SHF: variants seen among roughly 807,000 people sequenced by gnomAD.
SHF encodes SH2 domain-containing adapter protein F.
SHF carries 30 observed loss-of-function variants against 42.4 expected under a neutral mutation model. The ratio of observed to expected loss-of-function variants is 0.71; its 90% CI spans 0.53 to 0.96. The LOEUF is 0.96. SHF is among the 40% of genes least tolerant of loss of function. The pLI is 0.00. For missense variants in SHF, 598 were observed against 634.0 expected, an observed-to-expected ratio of 0.94 and a Z score of 0.61; for synonymous variants, 264 against 269.9, an observed-to-expected ratio of 0.98 and a Z score of 0.21.
At chr15:45,198,312 T>TA (rs1003650215) in intron 2 of SHF, among the ~76,000 whole-genome samples, 6 of 151,658 alleles carry the variant, frequency 4.0e-5, no homozygotes, top group African/African-American at 1.5e-4. Context: ...AATGACTCAA[T>TA]AAAAAAATGT....
At chr15:45,198,944 T>C (rs1898973467) in exon 2 of SHF, 5 of 1,613,914 alleles carry the variant, frequency 3.1e-6, no homozygotes, top group Non-Finnish European at 3.4e-6. Flanking sequence ...CATCCAGGAA[T>C]GGGGCTGGGC....
exon 2 of SHF, chr15:45,198,834 T>C (rs1294414213): frequency 6.2e-7 from 1 of 1,613,988 alleles, no homozygotes; most frequent in Admixed American, 1.7e-5. Context: ...CTCCGCCAGT[T>C]GCTTTTCTTC....
chr15:45,169,948 G>A (rs992420901), intron 6 of SHF, among the ~76,000 whole-genome samples: 5 of 152,256 alleles, frequency 3.3e-5, no homozygotes, highest in African/African-American at 9.6e-5. Context: ...AGTGAGAGAA[G>A]AGAAACCATA....
At chr15:45,194,898 G>T in intron 2 of SHF, among the ~76,000 whole-genome samples, 1 of 152,130 alleles carries the variant, frequency 6.6e-6, no homozygotes, top group Non-Finnish European at 1.5e-5. Context: ...GTGTGATCAT[G>T]GCTCACTGTA....
At chr15:45,190,863 T>C (rs945608926), upstream of SHF, among the ~76,000 whole-genome samples, 1 of 152,150 alleles carries the variant, frequency 6.6e-6, no homozygotes, top group Non-Finnish European at 1.5e-5. Flanking sequence ...TAAAAACTTG[T>C]GTGCACCATA....
intron 2 of SHF, among the ~76,000 whole-genome samples, chr15:45,197,619 G>A (rs1898906884): frequency 6.6e-6 from 1 of 152,172 alleles, no homozygotes; most frequent in African/African-American, 2.4e-5. Flanking sequence ...TATGGGTATA[G>A]TAAACAGTCC....
chr15:45,194,101 C>CAAAA (rs56176160), intron 2 of SHF, among the ~76,000 whole-genome samples: 1 of 75,596 alleles, frequency 1.3e-5, no homozygotes, highest in Non-Finnish European at 2.5e-5. Context: ...GAGTTTGTCT[C>CAAAA]AAAAAAAAAA....
rs535102902 is a variant in SHF at position 45,173,503 on chromosome 15, T to A, written c.988+73A>T. 58 of 1,427,968 alleles carry A rather than the reference T, an allele frequency of 4.1e-5. No individual in the cohort carries two copies. In the East Asian group the frequency reaches 1.3e-3, roughly 33 times the overall value. The allele number at this position is 1,427,968 out of a possible 1,614,324, so 88.5% of individuals were successfully genotyped here. On this transcript the variant is annotated intron_variant, in intron 4 of 6. Transcript: ENST00000690270. ...TCCAAATCCTGCCCCACCTCTCAGCTCCTCCAACCCAACCCACAGGGCCTG... is the reference window on the plus strand; with the variant it reads ...TCCAAATCCTGCCCCACCTCTCAGCACCTCCAACCCAACCCACAGGGCCTG...
exon 2 of SHF, chr15:45,198,808 G>A (rs1165274120): frequency 6.2e-7 from 1 of 1,613,890 alleles, no homozygotes. Flanking sequence ...GTCTGATAAT[G>A]CGCAGGCGCG....
upstream of SHF, among the ~76,000 whole-genome samples, chr15:45,192,668 G>T (rs72724271): frequency 6.6e-6 from 1 of 152,146 alleles, no homozygotes; most frequent in Non-Finnish European, 1.5e-5. Flanking sequence ...ACCGCGCCTG[G>T]CCCTGATTCC....
chr15:45,171,864 C>T lies in SHF; in HGVS notation c.1280+19G>A, dbSNP rs374824267. 7 of 1,609,334 alleles carry T rather than the reference C, an allele frequency of 4.3e-6. No individual in the cohort carries two copies. Among genetic ancestry groups the T allele is most frequent in the African/African-American group, 1.3e-5 (1 of 74,800 alleles). On this transcript the variant is annotated intron_variant, in intron 6 of 6. Coordinates refer to ENST00000690270, the MANE Select transcript of SHF (RefSeq NM_001394037.1). ...CCACCCTGCTTGCTGTCCCTGAAAC[C>T]ACAACTGTCCCCACTCACTTGAGGG...
At chr15:45,184,253 A>ACT (rs1199377643) in intron 1 of SHF, among the ~76,000 whole-genome samples, 1 of 152,094 alleles carries the variant, frequency 6.6e-6, no homozygotes, top group Admixed American at 6.5e-5. Context: ...AGATGCCCTG[A>ACT]CTGTATCCCT....
chr15:45,172,174 T>C lies in SHF; in HGVS notation c.1133A>G (p.Asp378Gly). 6.2e-7 allele frequency: 1 copy of C among 1,613,856 alleles called. No homozygotes were observed. The highest frequency in any genetic ancestry group is 1.1e-5 in the South Asian group (1 of 91,078). The change falls in exon 5 of 7, where the codon GAT becomes GGT. Residue 378 changes from aspartate to glycine, a missense_variant. Physicochemically the swap from Asp to Gly is moderately conservative, Grantham distance 94. Transcript: ENST00000690270. ...EPSSPLGEWT[D>G]PALPLENQVW... The stretch of plus-strand genomic sequence containing the variant: ...CTGGTTTTCCAGAGGCAGTGCTGGA[T>C]CTGTCCACTCCCCCAGGGGGCTGCT...
At chr15:45,185,031 C>G (rs945067388) in intron 1 of SHF, among the ~76,000 whole-genome samples, 2 of 152,258 alleles carry the variant, frequency 1.3e-5, no homozygotes, top group Non-Finnish European at 2.9e-5. Context: ...TCTCCTGCCC[C>G]CATACTAACT....
intron 1 of SHF, among the ~76,000 whole-genome samples, chr15:45,186,747 A>G (rs1359721422): frequency 2.0e-5 from 3 of 152,238 alleles, no homozygotes; most frequent in African/African-American, 7.2e-5. Context: ...ACAGGTCCTG[A>G]GCACTGACTA....
At position 45,173,577 on chromosome 15, in the gene SHF, G is replaced by A. The variant is rs929321404; in HGVS notation, c.987C>T (p.Ser329=). ...PLPEPSLEDS[S]AQFEGPEKSC... is the part of the protein sequence containing the mutation. ...GGCCAGAAGCCCCCCAGGACCCACC[G>A]CTGCTGTCCTCCAGGCTGGGCTCAG... is the stretch of plus-strand genomic sequence containing the variant. The change falls in exon 4 of 7, where the codon AGC becomes AGT. Residue 329 remains serine (S), a splice_region_variant and synonymous_variant. Transcript: ENST00000690270. The A allele has an allele frequency of 3.1e-5, 47 of 1,517,144 alleles. No individual in the cohort carries two copies. In the Admixed American group the frequency reaches 6.8e-4, roughly 22 times the overall value. The allele number at this position is 1,517,144 out of a possible 1,614,324, so 94.0% of individuals were successfully genotyped here.
intron 2 of SHF, among the ~76,000 whole-genome samples, chr15:45,177,250 T>C (rs1400651626): frequency 6.6e-6 from 1 of 152,180 alleles, no homozygotes; most frequent in Non-Finnish European, 1.5e-5. Flanking sequence ...TGAGCTTGGA[T>C]GGGGACAAGC....
At chr15:45,184,814 A>G (rs1706821) in intron 1 of SHF, among the ~76,000 whole-genome samples, 74,653 of 152,224 alleles carry the variant, frequency 0.49, 20,974 homozygotes, top group Non-Finnish European at 0.64. Flanking sequence ...CTCTGGCCAG[A>G]TGGCAAGGCC....
intron 1 of SHF, among the ~76,000 whole-genome samples, chr15:45,185,022 C>T (rs1595634082): frequency 1.3e-5 from 2 of 152,366 alleles, no homozygotes; most frequent in South Asian, 2.1e-4. Context: ...ACCTGGTTCT[C>T]TCCTGCCCCC....
Sources: gnomAD v4.1 joint callset for allele counts (sites outside exome capture counted in the v4.1 genomes callset) on GRCh38, gnomAD v4.1.1 for gene constraint, MANE v1.5 for transcripts, NCBI Gene and HGNC (gene_info 2026-07-23, HGNC 2026-07-21) for gene names.